The following LRRC4C variants were observed in gnomAD, a reference collection of about 807,000 sequenced individuals.
LRRC4C encodes the protein leucine-rich repeat-containing protein 4C.
LRRC4C carries 5 observed loss-of-function variants against 33.6 expected under a neutral mutation model. The ratio of observed to expected loss-of-function variants is 0.15; its 90% CI spans 0.08 to 0.31. LRRC4C has a LOEUF of 0.31. Among genes scored for constraint, LRRC4C ranks in the 10% least tolerant of loss-of-function variants. The pLI, the probability that LRRC4C is intolerant of heterozygous loss-of-function variation, is 1.00. For missense variants in LRRC4C, 560 were observed against 796.7 expected (o/e 0.70, Z 3.58); for synonymous variants, 329 against 302.0 (o/e 1.09, Z -0.93).
rs1019906129 is a variant in LRRC4C at position 40,894,844 on chromosome 11, G to A, written c.-407+38791C>T. On this transcript the variant is annotated intron_variant, in intron 2 of 6. Coordinates refer to ENST00000528697, the MANE Select transcript of LRRC4C (RefSeq NM_001258419.2). The stretch of plus-strand genomic sequence containing the variant: ...TTTTATGGAGATAAGATCTGGTCCC[G>A]TTTTGACATTTAGACTTCTGGTACA... Among the ~76,000 whole-genome samples, 15 of 152,110 alleles carry A rather than the reference G, an allele frequency of 9.9e-5. No individual in the cohort carries two copies. The East Asian group carries it at 1.2e-3, about 12-fold the overall frequency.
intron 1 of LRRC4C, among the ~76,000 whole-genome samples, chr11:41,405,855 A>C (rs1954212169): frequency 6.6e-6 from 1 of 152,146 alleles, no homozygotes; most frequent in African/African-American, 2.4e-5. Flanking sequence ...CTAAGTATAT[A>C]AAAAATGTAT....
At chr11:41,435,837 A>G (rs1426026461) in intron 1 of LRRC4C, among the ~76,000 whole-genome samples, 3 of 152,240 alleles carry the variant, frequency 2.0e-5, no homozygotes, top group African/African-American at 4.8e-5. Flanking sequence ...ACAATTAAAC[A>G]TGATTATTTA....
At chr11:40,381,452 C>T (rs1252270304) in intron 3 of LRRC4C, among the ~76,000 whole-genome samples, 3 of 152,028 alleles carry the variant, frequency 2.0e-5, no homozygotes, top group South Asian at 2.1e-4. Context: ...TAAAATCTGC[C>T]GTCAACCTTC....
chr11:40,282,923 C>T (rs1476191333), intron 4 of LRRC4C, among the ~76,000 whole-genome samples: 3 of 152,204 alleles, frequency 2.0e-5, no homozygotes, highest in Admixed American at 1.3e-4. Flanking sequence ...AATGAAGGTA[C>T]TTTTATTAGG....
chr11:40,775,423 A>T (rs978705920), intron 2 of LRRC4C, among the ~76,000 whole-genome samples: 4 of 152,178 alleles, frequency 2.6e-5, no homozygotes, highest in African/African-American at 9.6e-5. Flanking sequence ...CAAAAAAAAA[A>T]AAAAGTAAAT....
chr11:40,351,452 T>C (rs1346449072), intron 3 of LRRC4C: 2 of 152,064 alleles, frequency 1.3e-5, no homozygotes, highest in Non-Finnish European at 2.9e-5. Flanking sequence ...AATGTTTCTT[T>C]GTTGGTTTTC....
intron 1 of LRRC4C, among the ~76,000 whole-genome samples, chr11:41,121,022 C>T (rs1942398992): frequency 6.6e-6 from 1 of 152,138 alleles, no homozygotes; most frequent in Non-Finnish European, 1.5e-5. Flanking sequence ...AACTATGAGT[C>T]AATTAAAGCT....
At chr11:41,167,341 C>T (rs1012160532) in intron 1 of LRRC4C, among the ~76,000 whole-genome samples, 1 of 152,130 alleles carries the variant, frequency 6.6e-6, no homozygotes, top group African/African-American at 2.4e-5. Context: ...CAGTGCTTTC[C>T]CTCTTGGACA....
intron 1 of LRRC4C, among the ~76,000 whole-genome samples, chr11:41,001,642 A>C (rs1854392114): frequency 6.6e-6 from 1 of 152,216 alleles, no homozygotes; most frequent in East Asian, 1.9e-4. Flanking sequence ...CATTGCAAAT[A>C]TCTGCTGAAT....
chr11:41,347,605 T>C (rs1433476294), intron 1 of LRRC4C, among the ~76,000 whole-genome samples: 2 of 152,184 alleles, frequency 1.3e-5, no homozygotes, highest in Non-Finnish European at 2.9e-5. Flanking sequence ...TATACAAAGG[T>C]AGTAAGTACA....
intron 2 of LRRC4C, among the ~76,000 whole-genome samples, chr11:40,755,280 A>T (rs553176579): frequency 6.6e-6 from 1 of 152,066 alleles, no homozygotes; most frequent in African/African-American, 2.4e-5. Flanking sequence ...GAGCTCTTTT[A>T]CTTATTAACT....
intron 1 of LRRC4C, among the ~76,000 whole-genome samples, chr11:40,999,716 G>C (rs984657244): frequency 3.3e-5 from 5 of 152,096 alleles, no homozygotes; most frequent in African/African-American, 1.2e-4. Context: ...ATGTGAGTGA[G>C]AAAACACATG....
intron 1 of LRRC4C, among the ~76,000 whole-genome samples, chr11:41,145,639 T>A (rs1194932447): frequency 6.6e-6 from 1 of 152,150 alleles, no homozygotes; most frequent in Non-Finnish European, 1.5e-5. Context: ...CCCTCCCATA[T>A]AGTAATTATT....
At chr11:41,426,766 T>C (rs1388253819) in intron 1 of LRRC4C, among the ~76,000 whole-genome samples, 3 of 152,154 alleles carry the variant, frequency 2.0e-5, no homozygotes, top group Non-Finnish European at 4.4e-5. Context: ...CCTCATTATA[T>C]TGACTGAAGT....
At chr11:40,400,193 C>G (rs56373904) in intron 3 of LRRC4C, among the ~76,000 whole-genome samples, 5 of 152,182 alleles carry the variant, frequency 3.3e-5, no homozygotes, top group South Asian at 4.1e-4. Context: ...TACTCACTAT[C>G]CATGGCACAC....
intron 1 of LRRC4C, among the ~76,000 whole-genome samples, chr11:41,174,514 A>T (rs146828773): frequency 6.6e-6 from 1 of 152,174 alleles, no homozygotes; most frequent in African/African-American, 2.4e-5. Flanking sequence ...TGGACTCCCC[A>T]ATTCAGTGTT....
At chr11:41,002,023 T>C (rs1163871013) in intron 1 of LRRC4C, among the ~76,000 whole-genome samples, 1 of 152,142 alleles carries the variant, frequency 6.6e-6, no homozygotes. Context: ...TTTATTTTAG[T>C]TTTTCCATAA....
intron 3 of LRRC4C, among the ~76,000 whole-genome samples, chr11:40,535,496 A>G (rs756006860): frequency 2.6e-5 from 4 of 152,194 alleles, no homozygotes; most frequent in South Asian, 2.1e-4. Flanking sequence ...TCACCAGGAG[A>G]CATAATTAAT....
intron 1 of LRRC4C, among the ~76,000 whole-genome samples, chr11:41,292,192 T>C (rs1950012030): frequency 6.6e-6 from 1 of 152,154 alleles, no homozygotes; most frequent in African/African-American, 2.4e-5. Context: ...GCTATTTGAC[T>C]CACTTTAGCT....
Sources: allele counts gnomAD v4.1 joint callset (sites outside exome capture counted in the v4.1 genomes callset), GRCh38; gene constraint gnomAD v4.1.1; transcripts MANE v1.5; gene names NCBI Gene and HGNC (gene_info 2026-07-23, HGNC 2026-07-21).